LRCH4: variants seen among roughly 807,000 people sequenced by gnomAD.
LRCH4 encodes the protein leucine-rich repeat and calponin homology domain-containing protein 4.
Under a neutral mutation model 81.2 loss-of-function variants are expected in LRCH4, and 56 were observed. The observed-to-expected ratio is 0.69, with a 90% CI of 0.56 to 0.86. The LOEUF (loss-of-function observed/expected upper bound fraction) is 0.86, where lower values mean the gene tolerates loss of function less well. Ranked by LOEUF, LRCH4 falls within the 40% of genes least tolerant of loss-of-function variation. LRCH4 has a pLI of 0.00. For synonymous variants in LRCH4, 442 were observed against 409.7 expected (o/e 1.08, Z -0.95); for missense variants, 895 against 922.8 (o/e 0.97, Z 0.39).
chr7:100,585,609 C>T (rs1253383015), intron 1 of LRCH4, among the ~76,000 whole-genome samples: 1 of 152,008 alleles, frequency 6.6e-6, no homozygotes, highest in Non-Finnish European at 1.5e-5. Flanking sequence ...CGGGACCATC[C>T]TACAGGTGCG....
intron 4 of LRCH4, chr7:100,580,826 C>T (rs553508271): frequency 1.1e-3 from 159 of 145,950 alleles, no homozygotes; most frequent in Non-Finnish European, 1.5e-3. Flanking sequence ...CACACATGCA[C>T]AGACACACAG....
chr7:100,578,542 T>C lies in LRCH4; in HGVS notation c.736-31A>G. On this transcript the variant is annotated intron_variant, in intron 5 of 17. Coordinates refer to ENST00000310300, the MANE Select transcript of LRCH4 (RefSeq NM_002319.5). This position sits in a 1 kb window ranked among gnomAD's most constrained non-coding sequence, Gnocchi z 5.7. ...TGCGGGGCAGCACACGCCAGGGAGT[T>C]GGCAGGGAGGGCAGCTCCCCGGATC... 6.2e-7 allele frequency: 1 copy of C among 1,606,200 alleles called. No homozygotes were observed. The highest frequency in any genetic ancestry group is 8.5e-7 in the Non-Finnish European group (1 of 1,174,960).
In LRCH4 at chr7:100,583,281, G is replaced by T. The variant is rs1314910384; in HGVS notation, c.221-822C>A. Among the ~76,000 whole-genome samples the T allele has an allele frequency of 6.6e-6, 1 of 152,196 alleles. No homozygotes were observed. On this transcript the variant is annotated intron_variant, in intron 1 of 17. Coordinates refer to ENST00000310300, the MANE Select transcript of LRCH4 (RefSeq NM_002319.5). This position sits in a 1 kb window ranked among gnomAD's most constrained non-coding sequence, Gnocchi z 4.3. ...TGTGAGCATCTCAGGCACGGCGAGGGTGGAGAGTGTGGGAGGGCCTGGGGT... is the reference window on the plus strand; with the variant it reads ...TGTGAGCATCTCAGGCACGGCGAGGTTGGAGAGTGTGGGAGGGCCTGGGGT...
In LRCH4 at chr7:100,575,163, A is replaced by G. The variant is rs1333698770; in HGVS notation, c.1996T>C (p.Tyr666His). Residue 666 changes from tyrosine (Y) to histidine (H), a missense_variant, in exon 18 of 18, where the codon TAC becomes CAC. Coordinates refer to ENST00000310300, the MANE Select transcript of LRCH4 (RefSeq NM_002319.5). This position sits in a 1 kb window ranked among gnomAD's most constrained non-coding sequence, Gnocchi z 5.3. ...TAGAGCAGCAGCATGAGGACCACGT[A>G]GAAGACGACGAAGCCGCCCAGACCA... ...PSGLGGFVVF[Y>H]VVLMLLLYVT... is the part of the protein sequence containing the mutation. 4 of 1,613,502 alleles carry G rather than the reference A, an allele frequency of 2.5e-6. No individual in the cohort carries two copies. The Admixed American group carries it at 6.7e-5, about 27-fold the overall frequency.
rs1021681958 is a variant in LRCH4, at chr7:100,577,350, G to A, written c.1218C>T (p.Asp406=). The A allele has an allele frequency of 6.3e-7, 1 of 1,599,420 alleles. No individual in the cohort carries two copies. Among genetic ancestry groups the A allele is most frequent in the Non-Finnish European group, 8.5e-7 (1 of 1,179,282 alleles). The change falls in exon 11 of 18, where the codon GAC becomes GAT. Residue 406 remains aspartate, a synonymous_variant. Coordinates refer to ENST00000310300, the MANE Select transcript of LRCH4 (RefSeq NM_002319.5). This position sits in a 1 kb window ranked among gnomAD's most constrained non-coding sequence, Gnocchi z 6.7. ...EPAGEERRRP[D]TLQLWQERER... is the part of the protein sequence containing the mutation. ...CCCGCTCCTGCCACAGCTGCAAGGTGTCCGGGCGCCGCCGCTCCTCCCCTG... is the reference window on the plus strand; with the variant it reads ...CCCGCTCCTGCCACAGCTGCAAGGTATCCGGGCGCCGCCGCTCCTCCCCTG...
chr7:100,585,756 T>C, intron 1 of LRCH4, 125 bp downstream of exon 1: 1 of 1,012,758 alleles, frequency 9.9e-7, no homozygotes, highest in Non-Finnish European at 1.4e-6. Flanking sequence ...TTTAGGGCAA[T>C]CAGGAGGGGC....
At position 100,577,277 on chromosome 7, in the gene LRCH4, C is replaced by A; in HGVS notation, c.1291G>T (p.Asp431Tyr). The change falls in exon 11 of 18, where the codon GAT becomes TAT. Residue 431 changes from aspartate (D) to tyrosine (Y), a missense_variant. Asp to Tyr is a radical substitution (Grantham distance 160). Coordinates refer to ENST00000310300, the MANE Select transcript of LRCH4 (RefSeq NM_002319.5). The surrounding 1 kb of genome is among the most constrained non-coding windows in gnomAD (Gnocchi z 6.7). ...QSGAWGAPRKDSLLKPGLRAV... is the reference protein window; with the variant it reads ...QSGAWGAPRKYSLLKPGLRAV... ...CCGGGCGGCCCTGGGTCCCACCTAT[C>A]CTTCCTCGGGGCCCCCCACGCCCCG... 1 of 1,601,120 alleles carries A rather than the reference C, an allele frequency of 6.2e-7. No homozygotes were observed. The highest frequency in any genetic ancestry group is 8.5e-7 in the Non-Finnish European group (1 of 1,178,838).
chr7:100,576,308 T>A lies in LRCH4; in HGVS notation c.1568A>T (p.Asp523Val), dbSNP rs755583792. ...SQSGSGPSSP[D>V]SVLRPRRYPQ... ...GTACCGCCGAGGTCTCAGGACAGAG[T>A]CTGGTGAGGAAGGGCCTAGGAGAAA... is the stretch of plus-strand genomic sequence containing the variant. Residue 523 changes from aspartate to valine, a missense_variant, in exon 15 of 18, where the codon GAC (aspartate) becomes GTC (valine). Physicochemically the swap from Asp to Val is radical, Grantham distance 152. This residue lies in a region of LRCH4 where 529 missense variants were observed against 504.9 expected (regional missense o/e 1.05). Transcript: ENST00000310300. 6.2e-7 allele frequency: 1 copy of A among 1,613,786 alleles called. No individual in the cohort carries two copies. The highest frequency in any genetic ancestry group is 1.1e-5 in the South Asian group (1 of 91,072).
In LRCH4 at chr7:100,578,554, C is replaced by T; in HGVS notation, c.736-43G>A. ...CACGCCAGGGAGTTGGCAGGGAGGG[C>T]AGCTCCCCGGATCCTGCTCAGCTAT... is the stretch of plus-strand genomic sequence containing the variant. On this transcript the variant is annotated intron_variant, in intron 5 of 17. Transcript: ENST00000310300. The surrounding 1 kb of genome is among the most constrained non-coding windows in gnomAD (Gnocchi z 5.7). 6.2e-7 allele frequency: 1 copy of T among 1,601,668 alleles called. No individual in the cohort carries two copies. Among genetic ancestry groups the T allele is most frequent in the Non-Finnish European group, 8.5e-7 (1 of 1,171,986 alleles).
intron 4 of LRCH4, chr7:100,581,572 A>T (rs1801560079): frequency 1.8e-6 from 1 of 543,430 alleles, no homozygotes; most frequent in Admixed American, 3.3e-5. Context: ...TACCACAAGG[A>T]GCCGGCAGTC....
rs1253288999 is a variant in LRCH4, at chr7:100,585,880, C to G, written c.220+1G>C. The G allele has an allele frequency of 6.2e-7, 1 of 1,600,304 alleles. No homozygotes were observed. The highest frequency in any genetic ancestry group is 2.3e-5 in the East Asian group (1 of 43,990). On this transcript the variant is annotated splice_donor_variant, in intron 1 of 17. Transcript: ENST00000310300. LOFTEE classifies it high-confidence loss of function. Reference sequence around the variant, plus strand: ...TGGGCCCGGGGCCCGGCTGCACTCACCAGCCTGGGTGATGTCTGACAGGTC... The same window carrying G: ...TGGGCCCGGGGCCCGGCTGCACTCAGCAGCCTGGGTGATGTCTGACAGGTC...
rs1401663338 is a variant in LRCH4 at position 100,583,385 on chromosome 7, C to T, written c.221-926G>A. ...CTTGGGATTCCCTGTAGCACGGACCCACTAACGGCTTAGACCTGGAGAAGC... is the reference window on the plus strand; with the variant it reads ...CTTGGGATTCCCTGTAGCACGGACCTACTAACGGCTTAGACCTGGAGAAGC... On this transcript the variant is annotated intron_variant, in intron 1 of 17. Transcript: ENST00000310300. The surrounding 1 kb of genome is among the most constrained non-coding windows in gnomAD (Gnocchi z 4.3). Among the ~76,000 whole-genome samples the T allele has an allele frequency of 6.6e-6, 1 of 152,166 alleles. No individual in the cohort carries two copies. The highest frequency in any genetic ancestry group is 1.5e-5 in the Non-Finnish European group (1 of 68,024).
chr7:100,580,518 ACAC>A (rs1801503569), intron 4 of LRCH4: 1 of 152,012 alleles, frequency 6.6e-6, no homozygotes, highest in Non-Finnish European at 1.5e-5. Context: ...ACATAAACAT[ACAC>A]AACACATACA....
rs1584401731 is a variant in LRCH4 at position 100,574,865 on chromosome 7, G to C, written c.*242C>G. 1 of 436,702 alleles carries C rather than the reference G, an allele frequency of 2.3e-6. No individual in the cohort carries two copies. Among genetic ancestry groups the C allele is most frequent in the Middle Eastern group, 5.7e-4 (1 of 1,746 alleles). The allele number at this position is 436,702 out of a possible 1,614,324, so 27.1% of individuals were successfully genotyped here. A position where few individuals can be genotyped will look rare whatever the true frequency, so the allele number is the denominator to read the frequency against. ...ACAGAGGGCAGGGGCAGGGCCGGCGGGGACATGAAGGCACCGTCAGCACTG... is the reference window on the plus strand; with the variant it reads ...ACAGAGGGCAGGGGCAGGGCCGGCGCGGACATGAAGGCACCGTCAGCACTG... On this transcript the variant is annotated 3_prime_UTR_variant, in exon 18 of 18. Transcript: ENST00000310300.
Position 100,581,804 on chromosome 7 carries a change from T to C in LRCH4, c.571A>G (p.Arg191Gly). ...LSSLRDLNVR[R>G]NQLSTLPEEL... is the part of the protein sequence containing the mutation. ...TCGGGCAGCGTACTGAGCTGGTTCC[T>C]CCGGACATTGAGGTCCCGCAGGGAA... The change falls in exon 4 of 18, where the codon AGG becomes GGG. Residue 191 changes from arginine to glycine, a missense_variant. Transcript: ENST00000310300. The C allele has an allele frequency of 6.2e-7, 1 of 1,614,212 alleles. No individual in the cohort carries two copies. Among genetic ancestry groups the C allele is most frequent in the Non-Finnish European group, 8.5e-7 (1 of 1,180,022 alleles).
Position 100,582,551 on chromosome 7 carries a change from C to A in LRCH4, c.221-92G>T. On this transcript the variant is annotated intron_variant, in intron 1 of 17. Transcript: ENST00000310300. This position sits in a 1 kb window ranked among gnomAD's most constrained non-coding sequence, Gnocchi z 5.0. ...CCAGAGCCGGCTGCCCACTCCCTCA[C>A]CTCCACACCTAAAGATTCAAGGCCA... 1 of 1,269,814 alleles carries A rather than the reference C, an allele frequency of 7.9e-7. No individual in the cohort carries two copies. The allele number at this position is 1,269,814 out of a possible 1,614,324, so 78.7% of individuals were successfully genotyped here.
Position 100,577,920 on chromosome 7 carries a change from G to A in LRCH4, c.949-8C>T, listed in dbSNP as rs756953885. The A allele has an allele frequency of 1.9e-6, 3 of 1,611,794 alleles. No individual in the cohort carries two copies. The highest frequency in any genetic ancestry group is 1.6e-4 in the Middle Eastern group (1 of 6,082). On this transcript the variant is annotated splice_polypyrimidine_tract_variant and splice_region_variant and intron_variant, in intron 7 of 17. Transcript: ENST00000310300. The surrounding 1 kb of genome is among the most constrained non-coding windows in gnomAD (Gnocchi z 6.7). ...TGAAAATTCATCTGTTGACTGTAAAGGCAGAGGCAGAGATGGGAGATGGCC... is the reference window on the plus strand; with the variant it reads ...TGAAAATTCATCTGTTGACTGTAAAAGCAGAGGCAGAGATGGGAGATGGCC...
In LRCH4 at chr7:100,575,994, C is replaced by T. The variant is rs766310205; in HGVS notation, c.1653G>A (p.Arg551=). ...MTQLRQVLES[R]LQRPLPEDLA... ...GGTCCTCAGGCAGGGGCCGCTGCAG[C>T]CGGGACTCAAGGACCTGGCAGTGTA... The change falls in exon 16 of 18, where the codon CGG becomes CGA. Residue 551 remains arginine, a synonymous_variant. Coordinates refer to ENST00000310300, the MANE Select transcript of LRCH4 (RefSeq NM_002319.5). The surrounding 1 kb of genome is among the most constrained non-coding windows in gnomAD (Gnocchi z 5.3). The T allele has an allele frequency of 6.2e-7, 1 of 1,605,310 alleles. No homozygotes were observed. The highest frequency in any genetic ancestry group is 1.7e-4 in the Middle Eastern group (1 of 6,000).
In LRCH4 at chr7:100,578,195, G is replaced by A. The variant is rs778379764; in HGVS notation, c.912C>T (p.Ser304=). ...YDGGLDSGFH[S]VDSGSKRWSG... is the part of the protein sequence containing the mutation. The stretch of plus-strand genomic sequence containing the variant: ...ACCACCTCTTGCTGCCACTATCAAC[G>A]CTGTGGAAGCCTGAGTCCAGCCCAC... Residue 304 remains serine (S), a synonymous_variant, in exon 7 of 18, where the codon AGC becomes AGT. Transcript: ENST00000310300. This position sits in a 1 kb window ranked among gnomAD's most constrained non-coding sequence, Gnocchi z 5.7. 20 of 1,614,184 alleles carry A rather than the reference G, an allele frequency of 1.2e-5. No individual in the cohort carries two copies. The South Asian group carries it at 1.6e-4, about 13-fold the overall frequency.
Sources: gnomAD v4.1 joint callset for allele counts (sites outside exome capture counted in the v4.1 genomes callset) on GRCh38, gnomAD v4.1.1 for gene constraint, gnomAD v4.1.1 regional missense constraint, Gnocchi (gnomAD v3.1) non-coding constraint, MANE v1.5 for transcripts, NCBI Gene and HGNC (gene_info 2026-07-23, HGNC 2026-07-21) for gene names.